SYN3: variants seen among roughly 807,000 people sequenced by gnomAD.
SYN3 encodes the protein synapsin-3.
SYN3 carries 35 observed loss-of-function variants against 65.8 expected under a neutral mutation model. The observed-to-expected ratio is 0.53, with a 90% CI of 0.41 to 0.70. The LOEUF is 0.70. Ranked by LOEUF, SYN3 falls within the 30% of genes least tolerant of loss-of-function variation. The pLI is 0.00. For synonymous variants in SYN3, 270 were observed against 292.9 expected (o/e 0.92, Z 0.80); for missense variants, 680 against 749.0 (o/e 0.91, Z 1.08).
intron 3 of SYN3, among the ~76,000 whole-genome samples, chr22:32,975,635 C>T (rs2052162700): frequency 6.6e-6 from 1 of 152,166 alleles, no homozygotes; most frequent in African/African-American, 2.4e-5. Flanking sequence ...GAATTGCCAC[C>T]ACCGACTCGA....
intron 3 of SYN3, among the ~76,000 whole-genome samples, chr22:32,946,655 C>T (rs1281965318): frequency 4.6e-5 from 7 of 152,050 alleles, no homozygotes; most frequent in Non-Finnish European, 8.8e-5. Flanking sequence ...CAAACCTGCA[C>T]GTTTTGCACA....
rs533290918 is a variant in SYN3 at position 32,948,698 on chromosome 22, C to T, written c.370-17217G>A. ...CTTGCAGTGAGCCGAGATCGCGTCA[C>T]TGCACTCCAGCCTGGGTGACAGAGT... On this transcript the variant is annotated intron_variant, in intron 3 of 13. Transcript: ENST00000358763. Among the ~76,000 whole-genome samples the T allele has an allele frequency of 1.1e-3, 164 of 151,958 alleles. 1 individual carries two copies. The South Asian group carries it at 0.033, about 31-fold the overall frequency.
intron 6 of SYN3, among the ~76,000 whole-genome samples, chr22:32,796,625 G>A (rs182453997): frequency 6.6e-6 from 1 of 152,280 alleles, no homozygotes; most frequent in East Asian, 1.9e-4. Context: ...CAGAGCTCAT[G>A]GGGATGGGTG....
chr22:32,701,669 A>G (rs1458527868), intron 6 of SYN3, among the ~76,000 whole-genome samples: 1 of 152,234 alleles, frequency 6.6e-6, no homozygotes, highest in Non-Finnish European at 1.5e-5. Context: ...AATTAAATGC[A>G]AATTATATAC....
intron 7 of SYN3, among the ~76,000 whole-genome samples, chr22:32,572,595 C>A (rs1458354108): frequency 2.8e-5 from 4 of 144,684 alleles, no homozygotes; most frequent in Non-Finnish European, 6.0e-5. Flanking sequence ...CTCTTTTTTT[C>A]CTTCTGACAC....
At chr22:32,989,619 G>A (rs994804744) in intron 2 of SYN3, among the ~76,000 whole-genome samples, 1 of 151,978 alleles carries the variant, frequency 6.6e-6, no homozygotes, top group Admixed American at 6.6e-5. Context: ...TGGATCACCT[G>A]AGGTCAGGAG....
intron 6 of SYN3, among the ~76,000 whole-genome samples, chr22:32,671,485 A>G (rs1432068002): frequency 6.6e-6 from 1 of 152,036 alleles, no homozygotes; most frequent in Non-Finnish European, 1.5e-5. Context: ...TTACACACAC[A>G]TGCTGTCGCA....
intron 1 of SYN3, among the ~76,000 whole-genome samples, chr22:33,015,840 C>CTTTTTTTT (rs758927603): frequency 7.1e-6 from 1 of 139,984 alleles, no homozygotes; most frequent in Non-Finnish European, 1.5e-5. Flanking sequence ...GGCAAATTTT[C>CTTTTTTTT]TTTTCTTTTT....
intron 1 of SYN3, among the ~76,000 whole-genome samples, chr22:33,053,987 T>G (rs937810789): frequency 6.6e-6 from 1 of 152,174 alleles, no homozygotes; most frequent in South Asian, 2.1e-4. Flanking sequence ...GGATTGGAAG[T>G]CTGGAGACTC....
intron 6 of SYN3, among the ~76,000 whole-genome samples, chr22:32,845,087 C>G (rs1332776460): frequency 1.3e-5 from 2 of 152,102 alleles, no homozygotes; most frequent in Non-Finnish European, 2.9e-5. Context: ...TTCCTAAGAG[C>G]AAAAGAAATT....
In SYN3 at chr22:32,511,016, T is replaced by TGTGTGTGTGTGTGTG. The variant is rs1256703339; in HGVS notation, c.*2675_*2676insCACACACACACACAC. Among the ~76,000 whole-genome samples the TGTGTGTGTGTGTGTG allele has an allele frequency of 9.2e-6, 1 of 108,602 alleles. No homozygotes were observed. Among genetic ancestry groups the TGTGTGTGTGTGTGTG allele is most frequent in the African/African-American group, 3.0e-5 (1 of 33,482 alleles). 71.2% of individuals were successfully genotyped at this position (108,602 alleles called of 152,430 possible). On this transcript the variant is annotated 3_prime_UTR_variant, in exon 14 of 14. Coordinates refer to ENST00000358763, the MANE Select transcript of SYN3 (RefSeq NM_003490.4). ...GTGTGTGTGTGTGTGTGTGTGTGTG[T>TGTGTGTGTGTGTGTG]AAGGGGACTCCTAGAATCACTGGCT... is the stretch of plus-strand genomic sequence containing the variant.
intron 6 of SYN3, among the ~76,000 whole-genome samples, chr22:32,660,800 T>A (rs1285600287): frequency 6.6e-6 from 1 of 152,136 alleles, no homozygotes; most frequent in East Asian, 1.9e-4. Flanking sequence ...TTAAGGGTCT[T>A]GGCCGAAAAA....
chr22:32,807,841 G>A (rs191799801), intron 6 of SYN3, among the ~76,000 whole-genome samples: 10 of 152,112 alleles, frequency 6.6e-5, no homozygotes, highest in Admixed American at 6.5e-4. Context: ...CTCCACAGTG[G>A]CTGTGTTAAC....
intron 1 of SYN3, among the ~76,000 whole-genome samples, chr22:33,053,758 G>T (rs2145983641): frequency 6.6e-6 from 1 of 152,266 alleles, no homozygotes; most frequent in African/African-American, 2.4e-5. Flanking sequence ...AGGGATAGAT[G>T]CCCCTGCTCT....
intron 4 of SYN3, among the ~76,000 whole-genome samples, chr22:32,910,718 C>T (rs1371247779): frequency 6.6e-6 from 1 of 152,180 alleles, no homozygotes; most frequent in Non-Finnish European, 1.5e-5. Context: ...AATAGCTAAC[C>T]TCTCAGTGCC....
chr22:32,536,631 G>A (rs1347012844), intron 9 of SYN3, among the ~76,000 whole-genome samples: 4 of 152,202 alleles, frequency 2.6e-5, no homozygotes, highest in Admixed American at 1.3e-4. Flanking sequence ...CCTAAGCCAG[G>A]CCAACCAGTA....
At chr22:32,586,000 GTATGTATGTATACGTATA>G (rs1263529975) in intron 7 of SYN3, among the ~76,000 whole-genome samples, 2 of 81,334 alleles carry the variant, frequency 2.5e-5, no homozygotes, top group Non-Finnish European at 5.8e-5. Context: ...ACGTATATAT[GTATGTATGTATACGTATA>G]TATGTATGTA....
chr22:33,008,495 A>G (rs574013985), intron 1 of SYN3, among the ~76,000 whole-genome samples: 1 of 152,302 alleles, frequency 6.6e-6, no homozygotes, highest in East Asian at 1.9e-4. Flanking sequence ...GCTTTTGTTA[A>G]TAACTGCTTC....
intron 3 of SYN3, among the ~76,000 whole-genome samples, chr22:32,950,869 T>G (rs1226674147): frequency 6.6e-6 from 1 of 152,132 alleles, no homozygotes; most frequent in Non-Finnish European, 1.5e-5. Context: ...GAACCTATAA[T>G]GAGGGGTGTA....
Sources: gnomAD v4.1 joint callset for allele counts (sites outside exome capture counted in the v4.1 genomes callset) on GRCh38, gnomAD v4.1.1 for gene constraint, MANE v1.5 for transcripts, NCBI Gene and HGNC (gene_info 2026-07-23, HGNC 2026-07-21) for gene names.